Variants in AGAP1 observed in about 807,000 individuals in gnomAD.
The protein encoded by AGAP1 is arf-GAP with GTPase, ANK repeat and PH domain-containing protein 1.
AGAP1 carries 29 observed loss-of-function variants against 105.3 expected under a neutral mutation model. The observed-to-expected ratio is 0.28, with a 90% confidence interval of 0.21 to 0.38. The LOEUF is 0.38. Ranked by LOEUF, AGAP1 falls within the 10% of genes least tolerant of loss-of-function variation. AGAP1 has a pLI of 1.00. For synonymous variants in AGAP1, 509 were observed against 485.9 expected (o/e 1.05, Z -0.63); for missense variants, 998 against 1,165.1 (o/e 0.86, Z 2.09).
Position 235,830,324 on chromosome 2 carries a change from A to G in AGAP1, c.1050+22993A>G, listed in dbSNP as rs1462721745. 6.6e-6 allele frequency among the ~76,000 whole-genome samples: 1 copy of G among 152,172 alleles called. No homozygotes were observed. The highest frequency in any genetic ancestry group is 1.5e-5 in the Non-Finnish European group (1 of 68,044). On this transcript the variant is annotated intron_variant, in intron 9 of 17. Transcript: ENST00000304032. This position sits in a 1 kb window ranked among gnomAD's most constrained non-coding sequence, Gnocchi z 5.5. ...TAAAAGTCAGATGGAATTTGTCTTC[A>G]TATTTTGCTCATGTCAGTGAGGAGA...
At chr2:235,745,423 G>GC in intron 5 of AGAP1, among the ~76,000 whole-genome samples, 1 of 152,250 alleles carries the variant, frequency 6.6e-6, no homozygotes, top group Admixed American at 6.5e-5. Context: ...TAGTGGAGTG[G>GC]CCGTCACATG....
chr2:235,911,364 TC>T (rs1478932810), intron 11 of AGAP1, among the ~76,000 whole-genome samples: 1 of 151,940 alleles, frequency 6.6e-6, no homozygotes, highest in Non-Finnish European at 1.5e-5. Flanking sequence ...TGCGGTCGGC[TC>T]CCCAGGAGGT....
In AGAP1 at chr2:235,959,813, C is replaced by T. The variant is rs976223879; in HGVS notation, c.1484-8649C>T. On this transcript the variant is annotated intron_variant, in intron 12 of 17. Coordinates refer to ENST00000304032, the MANE Select transcript of AGAP1 (RefSeq NM_001037131.3). The surrounding 1 kb of genome is among the most constrained non-coding windows in gnomAD (Gnocchi z 7.3). ...TGTCAAAGCTGTGCCACTTTCCCCACTGGCTGCCTGTCCGCTCCTGCCAAA... is the reference window on the plus strand; with the variant it reads ...TGTCAAAGCTGTGCCACTTTCCCCATTGGCTGCCTGTCCGCTCCTGCCAAA... Among the ~76,000 whole-genome samples the T allele has an allele frequency of 5.3e-5, 8 of 152,208 alleles. No homozygotes were observed. The highest frequency in any genetic ancestry group is 8.8e-5 in the Non-Finnish European group (6 of 68,040).
intron 9 of AGAP1, among the ~76,000 whole-genome samples, chr2:235,822,635 G>A (rs1447490793): frequency 2.0e-5 from 3 of 152,292 alleles, no homozygotes; most frequent in African/African-American, 7.2e-5. Flanking sequence ...GCTCAGTGGT[G>A]AAGAGGAGCT....
chr2:235,915,455 C>A (rs572253675), intron 11 of AGAP1, among the ~76,000 whole-genome samples: 1 of 136,180 alleles, frequency 7.3e-6, no homozygotes, highest in Non-Finnish European at 1.6e-5. Flanking sequence ...CAGGCAGATC[C>A]CCTGAGCCCA....
intron 13 of AGAP1, among the ~76,000 whole-genome samples, chr2:235,978,910 TA>T (rs1181897616): frequency 4.7e-5 from 7 of 149,300 alleles, no homozygotes; most frequent in African/African-American, 1.2e-4. Context: ...GATACGTTTT[TA>T]AAAAAAAAAG....
Position 235,655,681 on chromosome 2 carries a change from G to A in AGAP1, c.164-53498G>A, listed in dbSNP as rs1364860842. ...TTAACTGCGTTCCAGCGAAGCAGGT[G>A]CCCCGTGTGTTGCTCTGCAAGTCCA... On this transcript the variant is annotated intron_variant, in intron 1 of 17. Coordinates refer to ENST00000304032, the MANE Select transcript of AGAP1 (RefSeq NM_001037131.3). This position sits in a 1 kb window ranked among gnomAD's most constrained non-coding sequence, Gnocchi z 4.3. Among the ~76,000 whole-genome samples, 3 of 152,220 alleles carry A rather than the reference G, an allele frequency of 2.0e-5. No homozygotes were observed. Among genetic ancestry groups the A allele is most frequent in the Non-Finnish European group, 4.4e-5 (3 of 68,042 alleles).
chr2:236,102,179 A>T (rs1159814533), intron 16 of AGAP1, among the ~76,000 whole-genome samples: 1 of 152,178 alleles, frequency 6.6e-6, no homozygotes, highest in Admixed American at 6.5e-5. Flanking sequence ...GCACTTTGGG[A>T]GGCCAAGGCG....
chr2:235,946,073 A>G (rs1270875754), intron 12 of AGAP1, among the ~76,000 whole-genome samples: 1 of 151,312 alleles, frequency 6.6e-6, no homozygotes, highest in Non-Finnish European at 1.5e-5. Flanking sequence ...ATCCAGGCGG[A>G]GACACAGATC....
intron 1 of AGAP1, among the ~76,000 whole-genome samples, chr2:235,567,914 T>C (rs1022470206): frequency 3.9e-5 from 6 of 152,116 alleles, no homozygotes; most frequent in Non-Finnish European, 8.8e-5. Context: ...AGGAGGGCTG[T>C]GCACTAGAGG....
In AGAP1 at chr2:235,989,733, G is replaced by C. The variant is rs2055479880; in HGVS notation, c.1645+21110G>C. Among the ~76,000 whole-genome samples the C allele has an allele frequency of 2.0e-5, 3 of 152,214 alleles. No individual in the cohort carries two copies. The highest frequency in any genetic ancestry group is 2.0e-4 in the Admixed American group (3 of 15,282). On this transcript the variant is annotated intron_variant, in intron 13 of 17. Transcript: ENST00000304032. This position sits in a 1 kb window ranked among gnomAD's most constrained non-coding sequence, Gnocchi z 4.4. ...GACGGGGAATCCCTGGAGGAGGTGGGTCAGTGGGAGGAGGACTGAAGACAT... is the reference window on the plus strand; with the variant it reads ...GACGGGGAATCCCTGGAGGAGGTGGCTCAGTGGGAGGAGGACTGAAGACAT...
At chr2:235,972,326 A>G (rs2054682119) in intron 13 of AGAP1, among the ~76,000 whole-genome samples, 1 of 152,228 alleles carries the variant, frequency 6.6e-6, no homozygotes, top group Non-Finnish European at 1.5e-5. Flanking sequence ...GAAAAATAGA[A>G]TTCCATTGAA....
In AGAP1 at chr2:235,864,697, A is replaced by G. The variant is rs2049077255; in HGVS notation, c.1051-18648A>G. 1.3e-5 allele frequency among the ~76,000 whole-genome samples: 2 copies of G among 152,240 alleles called. No homozygotes were observed. Among genetic ancestry groups the G allele is most frequent in the Admixed American group, 1.3e-4 (2 of 15,292 alleles). On this transcript the variant is annotated intron_variant, in intron 9 of 17. Transcript: ENST00000304032. This position sits in a 1 kb window ranked among gnomAD's most constrained non-coding sequence, Gnocchi z 5.0. ...CGATCAAGAGATAATATTAACTAGAAAAATCAAGAGGGGATCTGTCAGTCC... is the reference window on the plus strand; with the variant it reads ...CGATCAAGAGATAATATTAACTAGAGAAATCAAGAGGGGATCTGTCAGTCC...
chr2:236,026,574 C>A (rs2057062335), intron 13 of AGAP1, among the ~76,000 whole-genome samples: 1 of 152,048 alleles, frequency 6.6e-6, no homozygotes, highest in Admixed American at 6.6e-5. Flanking sequence ...ACTAAAAATA[C>A]AAAAATTAGC....
At chr2:235,760,499 T>A (rs1244053624) in intron 6 of AGAP1, among the ~76,000 whole-genome samples, 1 of 152,274 alleles carries the variant, frequency 6.6e-6, no homozygotes, top group Non-Finnish European at 1.5e-5. Flanking sequence ...CCTTAAATCA[T>A]CCAAGTGTTT....
chr2:235,915,524 CA>C (rs2051834518), intron 11 of AGAP1, among the ~76,000 whole-genome samples: 1 of 151,852 alleles, frequency 6.6e-6, no homozygotes, highest in African/African-American at 2.4e-5. Flanking sequence ...ACAAAAAATG[CA>C]AAAATTTAGC....
At chr2:235,907,600 A>T (rs2051367654) in intron 10 of AGAP1, among the ~76,000 whole-genome samples, 1 of 152,194 alleles carries the variant, frequency 6.6e-6, no homozygotes, top group Admixed American at 6.5e-5. Context: ...AAAACACTTG[A>T]AATGTTGTTT....
chr2:235,869,140 G>A (rs920623242), intron 9 of AGAP1, among the ~76,000 whole-genome samples: 2 of 152,094 alleles, frequency 1.3e-5, no homozygotes, highest in Admixed American at 6.6e-5. Context: ...TTGTCTGGTG[G>A]GTGAAATGGT....
intron 1 of AGAP1, among the ~76,000 whole-genome samples, chr2:235,604,162 G>T (rs1945836750): frequency 6.6e-6 from 1 of 151,850 alleles, no homozygotes; most frequent in Non-Finnish European, 1.5e-5. Flanking sequence ...AAAAAAATTG[G>T]TTCAGATGTA....
Sources: allele counts gnomAD v4.1 joint callset (sites outside exome capture counted in the v4.1 genomes callset), GRCh38; gene constraint gnomAD v4.1.1; non-coding constraint Gnocchi (gnomAD v3.1); transcripts MANE v1.5; gene names NCBI Gene and HGNC (gene_info 2026-07-23, HGNC 2026-07-21).